The following PSMG4 variants were observed in gnomAD, a reference collection of about 807,000 sequenced individuals.
PSMG4 encodes proteasome assembly chaperone 4, also known as proteasome (prosome, macropain) assembly chaperone 4.
In PSMG4, 10 loss-of-function variants were observed where a neutral mutation model predicts 11.0. The ratio of observed to expected loss-of-function variants is 0.91; its 90% CI spans 0.56 to 1.54. The LOEUF (loss-of-function observed/expected upper bound fraction) is 1.54, where lower values mean the gene tolerates loss of function less well. Among genes scored for constraint, PSMG4 ranks in the 40% most tolerant of loss-of-function variants. PSMG4 has a pLI of 0.00. For synonymous variants in PSMG4, 95 were observed against 71.3 expected (o/e 1.33, Z -1.68); for missense variants, 198 against 160.9 (o/e 1.23, Z -1.25).
chr6:3,267,323 C>G (rs1634), intron 2 of PSMG4: 256,131 of 299,446 alleles, frequency 0.86, 110,090 homozygotes, highest in Non-Finnish European at 0.87. Context: ...TGGGGCCCAG[C>G]AGCTGCCTCT....
upstream of PSMG4, chr6:3,255,072 G>A (rs751688695): frequency 4.5e-6 from 7 of 1,550,964 alleles, no homozygotes; most frequent in South Asian, 1.2e-5. Context: ...CTTGGAATAT[G>A]CTTCTATTCC....
upstream of PSMG4, among the ~76,000 whole-genome samples, chr6:3,255,999 G>A (rs1205592210): frequency 6.6e-6 from 1 of 152,186 alleles, no homozygotes; most frequent in Non-Finnish European, 1.5e-5. Context: ...GCCACAATGG[G>A]GATTGCTTCT....
intron 1 of PSMG4, among the ~76,000 whole-genome samples, chr6:3,260,099 C>T (rs1007893459): frequency 4.2e-5 from 3 of 72,252 alleles, no homozygotes; most frequent in Non-Finnish European, 5.9e-5. Context: ...GCCACCATAC[C>T]TGGCTAATTG....
chr6:3,265,937 TAAAA>T (rs751512198), intron 2 of PSMG4: 2 of 144,464 alleles, frequency 1.4e-5, no homozygotes, highest in Non-Finnish European at 1.5e-5. Context: ...TTTTTTTTAA[TAAAA>T]AAACAGCTTT....
chr6:3,258,745 T>G (rs1182750701), upstream of PSMG4: 3 of 305,202 alleles, frequency 9.8e-6, no homozygotes, highest in Non-Finnish European at 1.8e-5. Flanking sequence ...TCAAGTGGGT[T>G]TCCCCAGCCC....
rs920176646 is a variant in PSMG4 at position 3,263,936 on chromosome 6, C to T, written c.250+177C>T. The T allele has an allele frequency of 3.6e-6, 5 of 1,404,278 alleles. No homozygotes were observed. The African/African-American group carries it at 5.8e-5, about 16-fold the overall frequency. 87.0% of individuals were successfully genotyped at this position (1,404,278 alleles called of 1,614,324 possible). ...TCTTATTTAAGGGGCACATTCCATG[C>T]TCGCCTGTCATCACCACCGTCCCAG... On this transcript the variant is annotated intron_variant, in intron 2 of 2. Coordinates refer to ENST00000438998, the MANE Select transcript of PSMG4 (RefSeq NM_001128591.2).
chr6:3,258,615 C>T (rs924038087), upstream of PSMG4, among the ~76,000 whole-genome samples: 4 of 152,100 alleles, frequency 2.6e-5, no homozygotes, highest in Non-Finnish European at 5.9e-5. Context: ...GACGGTGCGG[C>T]TGGCTTCAGC....
chr6:3,267,850 T>C lies in PSMG4; in HGVS notation c.*138T>C, dbSNP rs969190331. 5.6e-6 allele frequency: 5 copies of C among 895,052 alleles called. No individual in the cohort carries two copies. The highest frequency in any genetic ancestry group is 1.7e-5 in the South Asian group (1 of 59,258). The allele number at this position is 895,052 out of a possible 1,614,324, so 55.4% of individuals were successfully genotyped here. A position where few individuals can be genotyped will look rare whatever the true frequency, so the allele number is the denominator to read the frequency against. On this transcript the variant is annotated 3_prime_UTR_variant, in exon 3 of 3. Transcript: ENST00000438998. ...ATCTTTTGAGCTTCCTTCTCAGCAG[T>C]GTGTGGGCCAAAAGGCTCATACTGA...
chr6:3,263,934 T>C, intron 2 of PSMG4, 175 bp downstream of exon 2: 3 of 1,408,384 alleles, frequency 2.1e-6, no homozygotes, highest in Non-Finnish European at 1.9e-6. Flanking sequence ...GCACATTCCA[T>C]GCTCGCCTGT....
chr6:3,260,259 A>G (rs947382540), intron 1 of PSMG4, among the ~76,000 whole-genome samples: 4 of 136,204 alleles, frequency 2.9e-5, no homozygotes, highest in Non-Finnish European at 6.3e-5. Context: ...CTACTCCAGT[A>G]TAACCTTGTC....
upstream of PSMG4, chr6:3,254,944 A>C (rs574343012): frequency 8.7e-6 from 11 of 1,263,042 alleles, no homozygotes; most frequent in East Asian, 2.3e-4. Context: ...ACTGGGTGTC[A>C]GCTGTTGGGT....
chr6:3,266,731 G>GCGCGCACA (rs111315023), intron 2 of PSMG4: 6 of 150,828 alleles, frequency 4.0e-5, no homozygotes, highest in South Asian at 4.2e-4. Flanking sequence ...GCCTATCTGT[G>GCGCGCACA]CACACACACA....
chr6:3,255,376 T>G (rs917285651), upstream of PSMG4: 2 of 1,418,228 alleles, frequency 1.4e-6, no homozygotes, highest in African/African-American at 2.9e-5. Flanking sequence ...TGGTGGATGA[T>G]GTTTGTTGAG....
At chr6:3,260,707 A>G (rs1278223197) in intron 1 of PSMG4, among the ~76,000 whole-genome samples, 1 of 152,228 alleles carries the variant, frequency 6.6e-6, no homozygotes. Context: ...ATAGGTACCC[A>G]GAGGTTAGGA....
At chr6:3,256,935 G>C (rs556909561), upstream of PSMG4, among the ~76,000 whole-genome samples, 65 of 135,326 alleles carry the variant, frequency 4.8e-4, no homozygotes, top group Non-Finnish European at 9.4e-4. Context: ...GCTCTTTGGA[G>C]ACGCATCACA....
chr6:3,254,900 ATGATCTC>A, upstream of PSMG4: 1 of 834,928 alleles, frequency 1.2e-6, no homozygotes, highest in Non-Finnish European at 1.8e-6. Flanking sequence ...TTGTAAGTGA[ATGATCTC>A]TGAGCTGGTG....
upstream of PSMG4, chr6:3,254,938 GGTGTCA>G: frequency 4.2e-6 from 5 of 1,197,580 alleles, no homozygotes; most frequent in Non-Finnish European, 5.8e-6. Context: ...TCTCTCACTG[GGTGTCA>G]GCTGTTGGGT....
At chr6:3,263,849 A>G in intron 2 of PSMG4, 90 bp downstream of exon 2, 1 of 1,501,382 alleles carries the variant, frequency 6.7e-7, no homozygotes, top group Non-Finnish European at 8.9e-7. Flanking sequence ...GAAGTAAAGC[A>G]TCTTTATGCT....
intron 1 of PSMG4, among the ~76,000 whole-genome samples, chr6:3,260,291 A>ATATATTT: frequency 0.011 from 754 of 70,770 alleles, 26 homozygotes; most frequent in African/African-American, 0.039. Flanking sequence ...ATATATATAT[A>ATATATTT]TTTTTTTTTT....
Sources: gnomAD v4.1 joint callset for allele counts (sites outside exome capture counted in the v4.1 genomes callset) on GRCh38, gnomAD v4.1.1 for gene constraint, MANE v1.5 for transcripts, NCBI Gene and HGNC (gene_info 2026-07-23, HGNC 2026-07-21) for gene names.